Variants in DST observed in about 807,000 individuals in gnomAD.
DST encodes the protein bullous pemphigoid antigen.
Under a neutral mutation model 875.2 loss-of-function variants are expected in DST, and 253 were observed. The observed-to-expected ratio is 0.29, with a 90% CI of 0.26 to 0.32. DST has a LOEUF of 0.32. DST is among the 10% of genes least tolerant of loss of function. The probability of loss-of-function intolerance (pLI) is 1.00; values close to 1 mark genes in which losing one functional copy is unlikely to be tolerated. For synonymous variants in DST, 3,124 were observed against 3,197.1 expected (o/e 0.98, Z 0.77); for missense variants, 8,287 against 9,111.6 (o/e 0.91, Z 3.68).
At chr6:56,843,572 C>A (rs2099803178) in intron 4 of DST, 1 of 983,904 alleles carries the variant, frequency 1.0e-6, no homozygotes, top group African/African-American at 1.8e-5. Flanking sequence ...GTGCTTCGGG[C>A]CGGGCCGAGG....
At chr6:56,789,902 G>A (rs1590419962) in intron 4 of DST, among the ~76,000 whole-genome samples, 1 of 152,174 alleles carries the variant, frequency 6.6e-6, no homozygotes, top group Non-Finnish European at 1.5e-5. Flanking sequence ...ACGCTGCTAT[G>A]TACAATATCT....
In DST at chr6:56,605,959, G is replaced by T; in HGVS notation, c.8669C>A (p.Thr2890Asn). The T allele has an allele frequency of 6.2e-7, 1 of 1,612,582 alleles. No individual in the cohort carries two copies. Among genetic ancestry groups the T allele is most frequent in the Non-Finnish European group, 8.5e-7 (1 of 1,179,380 alleles). ...ATATTCTGGAAGGTTGCTTTTTTCA[G>T]TAACTAAGTTATTTTCACTAGGTGA... ...LASPSENNLV[T>N]EKSNLPEYTT... The change falls in exon 40 of 104, where the codon ACT becomes AAT. Residue 2890 changes from threonine to asparagine, a missense_variant. Physicochemically the swap from Thr to Asn is moderately conservative, Grantham distance 65. This residue lies in a region of DST where 3,138 missense variants were observed against 3,116.6 expected (regional missense o/e 1.01). Coordinates refer to ENST00000680361, the MANE Select transcript of DST (RefSeq NM_001374736.1).
intron 85 of DST, among the ~76,000 whole-genome samples, chr6:56,491,126 G>A (rs2095722439): frequency 6.6e-6 from 1 of 152,154 alleles, no homozygotes; most frequent in Admixed American, 6.5e-5. Context: ...GTATATCCCA[G>A]TGACTCATTT....
rs753769711 is a variant in DST at position 56,603,636 on chromosome 6, T to G, written c.10869A>C (p.Lys3623Asn). 1.2e-6 allele frequency: 2 copies of G among 1,611,176 alleles called. No homozygotes were observed. The highest frequency in any genetic ancestry group is 1.7e-5 in the Admixed American group (1 of 59,760). Residue 3623 changes from lysine to asparagine, a missense_variant, in exon 41 of 104, where the codon AAA (lysine) becomes AAC (asparagine). Physicochemically the swap from Lys to Asn is moderately conservative, Grantham distance 94. This residue lies in a region of DST where 3,138 missense variants were observed against 3,116.6 expected (regional missense o/e 1.01). Coordinates refer to ENST00000680361, the MANE Select transcript of DST (RefSeq NM_001374736.1). ...GAGATTCCTGGTTGTCTAAGGGGGG[T>G]TTCATATCTTGAAGCAATGTCAAAT... ...HEYLTLLQDMKPPLDNQESLD... is the reference protein window; with the variant it reads ...HEYLTLLQDMNPPLDNQESLD...
rs2098471084 is a variant in DST, at chr6:56,603,985, T to G, written c.10643A>C (p.Lys3548Thr). Residue 3548 changes from lysine to threonine, a missense_variant, in exon 40 of 104, where the codon AAA (lysine) becomes ACA (threonine). Around this residue, in one of 10 missense-constraint regions of DST, gnomAD observed 3,138 missense variants for 3,116.6 expected, o/e 1.01. Coordinates refer to ENST00000680361, the MANE Select transcript of DST (RefSeq NM_001374736.1). ...NYYSPNLETV[K>T]EIGLESSTVW... ...AGTAGAGCTTTCTAGTCCAATTTCTTTTACAGTTTCTAAATTAGGAGAATA... is the reference window on the plus strand; with the variant it reads ...AGTAGAGCTTTCTAGTCCAATTTCTGTTACAGTTTCTAAATTAGGAGAATA... 3 of 1,608,900 alleles carry G rather than the reference T, an allele frequency of 1.9e-6. No individual in the cohort carries two copies. The South Asian group carries it at 3.3e-5, about 18-fold the overall frequency.
chr6:56,649,077 G>A (rs1392248654), intron 12 of DST, among the ~76,000 whole-genome samples: 4 of 152,072 alleles, frequency 2.6e-5, no homozygotes, highest in Admixed American at 2.6e-4. Flanking sequence ...TGCCATCTTT[G>A]CCAACTATTT....
chr6:56,655,927 G>T (rs889099991), intron 10 of DST, among the ~76,000 whole-genome samples: 6 of 152,328 alleles, frequency 3.9e-5, no homozygotes, highest in African/African-American at 1.4e-4. Context: ...CCTGAAGGCA[G>T]AGCCTGTGTT....
intron 9 of DST, among the ~76,000 whole-genome samples, chr6:56,697,523 G>C (rs1046249719): frequency 6.6e-6 from 1 of 152,194 alleles, no homozygotes; most frequent in Non-Finnish European, 1.5e-5. Context: ...ACAGAAAATG[G>C]AAAGTGATGG....
chr6:56,937,067 T>C (rs1292275115), intron 2 of DST, among the ~76,000 whole-genome samples: 1 of 151,922 alleles, frequency 6.6e-6, no homozygotes, highest in Non-Finnish European at 1.5e-5. Flanking sequence ...CAAAACTAAA[T>C]TGCCTTGAAA....
intron 34 of DST, 29 bp downstream of exon 34, chr6:56,627,175 A>G: frequency 6.6e-7 from 1 of 1,510,992 alleles, no homozygotes. Flanking sequence ...TGAATATTAA[A>G]TTTTACTAAA....
At chr6:56,596,002 C>CA (rs1160052343) in intron 47 of DST, among the ~76,000 whole-genome samples, 3 of 70,214 alleles carry the variant, frequency 4.3e-5, no homozygotes, top group East Asian at 3.3e-4. Flanking sequence ...TTAGGACTTT[C>CA]TTTCTTTTAT....
chr6:56,697,245 C>T (rs1436463223), intron 9 of DST, among the ~76,000 whole-genome samples: 1 of 152,182 alleles, frequency 6.6e-6, no homozygotes, highest in Non-Finnish European at 1.5e-5. Context: ...TTTCTTTCTT[C>T]CTGGAAAGTG....
intron 10 of DST, among the ~76,000 whole-genome samples, chr6:56,659,087 G>T (rs987184988): frequency 6.6e-6 from 1 of 152,174 alleles, no homozygotes. Context: ...GAGATTAAAT[G>T]ATCAGATCTG....
At chr6:56,893,745 G>GC (rs1789187538) in intron 3 of DST, among the ~76,000 whole-genome samples, 1 of 53,974 alleles carries the variant, frequency 1.9e-5, no homozygotes, top group South Asian at 5.0e-4. Flanking sequence ...GGACCCTGCG[G>GC]CCTTCCGCAG....
At chr6:56,831,597 C>T (rs1241252063) in intron 4 of DST, among the ~76,000 whole-genome samples, 1 of 152,216 alleles carries the variant, frequency 6.6e-6, no homozygotes, top group East Asian at 1.9e-4. Context: ...AGCTGGTCCA[C>T]TTTCGTCACC....
In DST at chr6:56,603,413, T is replaced by A; in HGVS notation, c.10949A>T (p.Glu3650Val). Residue 3650 changes from glutamate to valine, a missense_variant, in exon 42 of 104, where the codon GAA becomes GTA. Physicochemically the swap from Glu to Val is moderately radical, Grantham distance 121. Around this residue, in one of 10 missense-constraint regions of DST, gnomAD observed 3,138 missense variants for 3,116.6 expected, o/e 1.01. Transcript: ENST00000680361. ...KNQLRQLETF[E>V]LGLAPIAVIL... ...AACAGCAATTGGAGCTAATCCCAAT[T>A]CAAATGTCTGCAAAGAAATATATCC... is the stretch of plus-strand genomic sequence containing the variant. The A allele has an allele frequency of 6.2e-7, 1 of 1,609,970 alleles. No homozygotes were observed. The highest frequency in any genetic ancestry group is 2.2e-5 in the East Asian group (1 of 44,844).
intron 10 of DST, among the ~76,000 whole-genome samples, chr6:56,666,396 C>T (rs1298139416): frequency 2.6e-5 from 4 of 152,154 alleles, no homozygotes; most frequent in African/African-American, 7.2e-5. Context: ...TACTAAGTCA[C>T]CTATCACATA....
intron 3 of DST, among the ~76,000 whole-genome samples, chr6:56,881,428 A>T (rs1782164955): frequency 6.6e-6 from 1 of 152,124 alleles, no homozygotes; most frequent in Admixed American, 6.5e-5. Flanking sequence ...AGCCAAGACC[A>T]TGCCATTACA....
rs2098805961 is a variant in DST at position 56,634,009 on chromosome 6, T to C, written c.3621+123A>G. The stretch of plus-strand genomic sequence containing the variant: ...ATATAACAAATATTCATTGAATAAA[T>C]GAATATTAGCATGGATTTGCCGGAC... On this transcript the variant is annotated intron_variant, in intron 27 of 103. Transcript: ENST00000680361. 16 of 1,155,242 alleles carry C rather than the reference T, an allele frequency of 1.4e-5. No homozygotes were observed. The South Asian group carries it at 1.6e-4, about 12-fold the overall frequency. The allele number at this position is 1,155,242 out of a possible 1,614,324, so 71.6% of individuals were successfully genotyped here. A position where few individuals can be genotyped will look rare whatever the true frequency, so the allele number is the denominator to read the frequency against.
Sources: gnomAD v4.1 joint callset for allele counts (sites outside exome capture counted in the v4.1 genomes callset) on GRCh38, gnomAD v4.1.1 for gene constraint, gnomAD v4.1.1 regional missense constraint, MANE v1.5 for transcripts, NCBI Gene and HGNC (gene_info 2026-07-23, HGNC 2026-07-21) for gene names.